The following USP32 variants were observed in gnomAD, a reference collection of about 807,000 sequenced individuals.
The protein encoded by USP32 is ubiquitin carboxyl-terminal hydrolase 32.
A neutral mutation model predicts 204.8 loss-of-function variants in USP32; 59 were observed. That is an observed-to-expected ratio of 0.29 (90% CI 0.23 to 0.36). The LOEUF is 0.36. USP32 is among the 10% of genes least tolerant of loss of function. The probability of loss-of-function intolerance (pLI) is 1.00; values close to 1 mark genes in which losing one functional copy is unlikely to be tolerated. For missense variants in USP32, 1,160 were observed against 1,946.4 expected, an observed-to-expected ratio of 0.60 and a Z score of 7.60; for synonymous variants, 517 against 678.4, an observed-to-expected ratio of 0.76 and a Z score of 3.70.
intron 1 of USP32, among the ~76,000 whole-genome samples, chr17:60,364,829 G>A (rs890946405): frequency 2.0e-5 from 3 of 152,130 alleles, no homozygotes; most frequent in African/African-American, 7.2e-5. Context: ...TAATGTTTGT[G>A]AAGAAACAAA....
In USP32 at chr17:60,211,516, T is replaced by C. The variant is rs745834848; in HGVS notation, c.2180-2A>G. 6.2e-7 allele frequency: 1 copy of C among 1,609,316 alleles called. No homozygotes were observed. Among genetic ancestry groups the C allele is most frequent in the Non-Finnish European group, 8.5e-7 (1 of 1,178,462 alleles). On this transcript the variant is annotated splice_acceptor_variant, in intron 19 of 33. Coordinates refer to ENST00000300896, the MANE Select transcript of USP32 (RefSeq NM_032582.4). LOFTEE classifies it high-confidence loss of function. ...CTGTGGCTCCCTTTTCTGTGGGAAC[T>C]GGAACAAACAATATGAGAACCAAAG...
chr17:60,355,246 G>T (rs547168374), intron 1 of USP32, among the ~76,000 whole-genome samples: 1 of 152,120 alleles, frequency 6.6e-6, no homozygotes, highest in African/African-American at 2.4e-5. Flanking sequence ...CATCAATGAT[G>T]ACAGGTCAGA....
At chr17:60,376,625 G>A (rs892152329) in intron 1 of USP32, among the ~76,000 whole-genome samples, 1 of 151,782 alleles carries the variant, frequency 6.6e-6, no homozygotes, top group African/African-American at 2.4e-5. Flanking sequence ...CCGGATTCAA[G>A]CAATTCTCCT....
intron 1 of USP32, among the ~76,000 whole-genome samples, chr17:60,352,936 T>C (rs7220716): frequency 0.16 from 24,511 of 152,188 alleles, 4,452 homozygotes; most frequent in African/African-American, 0.45. Flanking sequence ...TTTGATGATT[T>C]CAAAGTGTCT....
intron 9 of USP32, among the ~76,000 whole-genome samples, chr17:60,264,338 G>A (rs1259247913): frequency 2.7e-5 from 4 of 146,690 alleles, no homozygotes; most frequent in East Asian, 2.0e-4. Flanking sequence ...GAAACATGGC[G>A]AGACCTGGTC....
At chr17:60,257,041 G>T in intron 9 of USP32, 1 of 239,958 alleles carries the variant, frequency 4.2e-6, no homozygotes. Context: ...GTGACATAAT[G>T]GAGTTGATAA....
At chr17:60,187,837 A>G (rs185121679) in intron 29 of USP32, among the ~76,000 whole-genome samples, 1 of 152,328 alleles carries the variant, frequency 6.6e-6, no homozygotes, top group African/African-American at 2.4e-5. Flanking sequence ...TAAATTACTT[A>G]TAGGCACCCT....
At chr17:60,246,415 T>TATA (rs1268629196) in intron 11 of USP32, among the ~76,000 whole-genome samples, 20 of 135,702 alleles carry the variant, frequency 1.5e-4, no homozygotes, top group African/African-American at 5.3e-4. Flanking sequence ...ATATATATAT[T>TATA]TTTTTTTTTT....
chr17:60,374,885 A>C (rs997511464), intron 1 of USP32, among the ~76,000 whole-genome samples: 1 of 152,240 alleles, frequency 6.6e-6, no homozygotes, highest in African/African-American at 2.4e-5. Flanking sequence ...CATGCAGCAC[A>C]TGACTGTATA....
chr17:60,229,620 G>A (rs2085490323), intron 12 of USP32, among the ~76,000 whole-genome samples: 1 of 152,100 alleles, frequency 6.6e-6, no homozygotes, highest in African/African-American at 2.4e-5. Context: ...AAGAGTAACA[G>A]CGCCACCTTT....
At position 60,265,504 on chromosome 17, in the gene USP32, A is replaced by G. The variant is rs777055380; in HGVS notation, c.928-30T>C. 1.1e-5 allele frequency: 15 copies of G among 1,379,858 alleles called. No individual in the cohort carries two copies. The African/African-American group carries it at 1.6e-4, about 15-fold the overall frequency. The allele number at this position is 1,379,858 out of a possible 1,614,324, so 85.5% of individuals were successfully genotyped here. A position where few individuals can be genotyped will look rare whatever the true frequency, so the allele number is the denominator to read the frequency against. On this transcript the variant is annotated intron_variant, in intron 8 of 33. Transcript: ENST00000300896. ...AAAAATAACCCAAAGGAGTAATTAG[A>G]AAACAGTGAATATACTTTTAATTTT...
intron 1 of USP32, chr17:60,421,956 C>T: frequency 3.0e-6 from 3 of 985,266 alleles, no homozygotes; most frequent in Non-Finnish European, 3.6e-6. Context: ...GGTTACAGAG[C>T]CCGTAGGCAC....
chr17:60,391,893 G>T lies in USP32; in HGVS notation c.47C>A (p.Ala16Glu). Residue 16 changes from alanine to glutamate, a missense_variant, in exon 1 of 34, where the codon GCG becomes GAG. Physicochemically the swap from Ala to Glu is moderately radical, Grantham distance 107. Transcript: ENST00000300896. ...SRIGFLSYEE[A>E]LRRVTDVELK... ...CCCTCCCCCCTCACCTCTCCTCAGC[G>T]CCTCCTCGTAGCTGAGGAATCCGAT... 6.2e-7 allele frequency: 1 copy of T among 1,606,016 alleles called. No homozygotes were observed. The highest frequency in any genetic ancestry group is 1.4e-5 in the African/African-American group (1 of 73,708).
chr17:60,186,267 A>G lies in USP32; in HGVS notation c.3643-616T>C, dbSNP rs144338483. ...ACTTTGGAATCCTATAAGGGATTAC[A>G]TGTGAGCTGGCCCTCAAGCCAGGGG... On this transcript the variant is annotated intron_variant, in intron 29 of 33. Transcript: ENST00000300896. Among the ~76,000 whole-genome samples the G allele has an allele frequency of 3.6e-3, 542 of 152,394 alleles. 2 individuals are homozygous for G. Among genetic ancestry groups the G allele is most frequent in the African/African-American group, 0.012 (497 of 41,604 alleles).
chr17:60,335,760 TA>T (rs1469668906), intron 2 of USP32, among the ~76,000 whole-genome samples: 1 of 143,074 alleles, frequency 7.0e-6, no homozygotes, highest in Non-Finnish European at 1.5e-5. Flanking sequence ...CCTTAGCAAT[TA>T]TTTTTCAAGA....
At position 60,258,300 on chromosome 17, in the gene USP32, T is replaced by C. The variant is rs146337114; in HGVS notation, c.991-3042A>G. The stretch of plus-strand genomic sequence containing the variant: ...GCAAAAAGAATTAAGAGAAAAACTG[T>C]TGTCAGTTTGAGGATGAGTAAGCAA... On this transcript the variant is annotated intron_variant, in intron 9 of 33. Coordinates refer to ENST00000300896, the MANE Select transcript of USP32 (RefSeq NM_032582.4). 3.5e-3 allele frequency: 631 copies of C among 179,732 alleles called. 2 individuals are homozygous for C. Among genetic ancestry groups the C allele is most frequent in the African/African-American group, 0.014 (577 of 42,032 alleles). 11.1% of individuals were successfully genotyped at this position (179,732 alleles called of 1,614,324 possible).
intron 26 of USP32, among the ~76,000 whole-genome samples, chr17:60,202,005 G>C (rs1017942907): frequency 5.3e-5 from 8 of 152,146 alleles, no homozygotes; most frequent in African/African-American, 1.9e-4. Context: ...TTTTATATGA[G>C]TAGCGTCAGG....
intron 26 of USP32, among the ~76,000 whole-genome samples, chr17:60,199,544 G>GT (rs1472764581): frequency 2.0e-5 from 3 of 152,094 alleles, no homozygotes; most frequent in Non-Finnish European, 2.9e-5. Flanking sequence ...AAGAAGTTTG[G>GT]TATTTATTGA....
chr17:60,281,535 CAA>C (rs1434012835), intron 5 of USP32, among the ~76,000 whole-genome samples: 3 of 94,338 alleles, frequency 3.2e-5, no homozygotes, highest in Non-Finnish European at 6.9e-5. Flanking sequence ...GACTCCGTCT[CAA>C]AAAAAAAAAA....
Sources: gnomAD v4.1 joint callset for allele counts (sites outside exome capture counted in the v4.1 genomes callset) on GRCh38, gnomAD v4.1.1 for gene constraint, MANE v1.5 for transcripts, NCBI Gene and HGNC (gene_info 2026-07-23, HGNC 2026-07-21) for gene names.